The following RFFL variants were observed in gnomAD, a reference collection of about 807,000 sequenced individuals.
The protein encoded by RFFL is E3 ubiquitin-protein ligase rififylin.
In RFFL, 16 loss-of-function variants were observed where a neutral mutation model predicts 40.4. The ratio of observed to expected loss-of-function variants is 0.40; its 90% confidence interval spans 0.27 to 0.60. The LOEUF is 0.60. Ranked by LOEUF, RFFL falls within the 20% of genes least tolerant of loss-of-function variation. The pLI, the probability that RFFL is intolerant of heterozygous loss-of-function variation, is 0.47. For synonymous variants in RFFL, 154 were observed against 167.9 expected (o/e 0.92, Z 0.64); for missense variants, 367 against 451.7 (o/e 0.81, Z 1.70).
rs768940709 is a variant in RFFL, at chr17:35,008,208, C to T, written c.*3760G>A. ...AGATCAGTGTAAATATCTGAACTCACTTGGTGCTTCAACCCAATTGGTCTT... is the reference window on the plus strand; with the variant it reads ...AGATCAGTGTAAATATCTGAACTCATTTGGTGCTTCAACCCAATTGGTCTT... On this transcript the variant is annotated 3_prime_UTR_variant, in exon 7 of 7. Transcript: ENST00000394597. 2 of 152,250 alleles carry T rather than the reference C, an allele frequency of 1.3e-5. No homozygotes were observed. The highest frequency in any genetic ancestry group is 2.9e-5 in the Non-Finnish European group (2 of 68,052). The allele number at this position is 152,250 out of a possible 1,614,324, so 9.4% of individuals were successfully genotyped here. A position where few individuals can be genotyped will look rare whatever the true frequency, so the allele number is the denominator to read the frequency against.
upstream of RFFL, among the ~76,000 whole-genome samples, chr17:35,068,279 A>G (rs531367175): frequency 6.6e-6 from 1 of 152,356 alleles, no homozygotes; most frequent in African/African-American, 2.4e-5. Context: ...CCAAATGTCA[A>G]CTTATCGCCA....
At chr17:35,030,635 A>T (rs2091076923) in intron 1 of RFFL, among the ~76,000 whole-genome samples, 1 of 151,340 alleles carries the variant, frequency 6.6e-6, no homozygotes, top group Non-Finnish European at 1.5e-5. Flanking sequence ...GGGTTTTGTC[A>T]TATTGCCCAG....
At chr17:35,062,905 A>G (rs2091301582) in intron 1 of RFFL, among the ~76,000 whole-genome samples, 1 of 152,200 alleles carries the variant, frequency 6.6e-6, no homozygotes. Flanking sequence ...AGAAAGGAAT[A>G]TGGGAACAAA....
chr17:35,077,585 C>T (rs2091383433), intron 1 of RFFL, among the ~76,000 whole-genome samples: 1 of 152,196 alleles, frequency 6.6e-6, no homozygotes, highest in Non-Finnish European at 1.5e-5. Flanking sequence ...AAACTTTTCA[C>T]ACTATGAAGT....
At chr17:35,086,482 T>TAAAAA (rs11298971) in intron 1 of RFFL, among the ~76,000 whole-genome samples, 2 of 144,006 alleles carry the variant, frequency 1.4e-5, no homozygotes, top group African/African-American at 2.6e-5. Context: ...CCATCTCAAT[T>TAAAAA]AAAAAAAAAA....
At chr17:35,048,768 G>A (rs1404038948) in intron 1 of RFFL, among the ~76,000 whole-genome samples, 1 of 152,172 alleles carries the variant, frequency 6.6e-6, no homozygotes, top group Non-Finnish European at 1.5e-5. Flanking sequence ...GTAATTGCTT[G>A]CACTGCACTG....
At chr17:35,012,523 C>T (rs2090947596) in intron 6 of RFFL, among the ~76,000 whole-genome samples, 1 of 152,104 alleles carries the variant, frequency 6.6e-6, no homozygotes, top group African/African-American at 2.4e-5. Context: ...ACTCATTATC[C>T]CCTGAGGCAG....
intron 3 of RFFL, among the ~76,000 whole-genome samples, chr17:35,017,904 C>T (rs1176592387): frequency 6.6e-6 from 1 of 152,180 alleles, no homozygotes; most frequent in African/African-American, 2.4e-5. Context: ...AGCTTGAGCA[C>T]CACAGGTGAA....
chr17:35,042,207 A>T (rs1363206777), intron 1 of RFFL: 1 of 152,200 alleles, frequency 6.6e-6, no homozygotes, highest in Non-Finnish European at 1.5e-5. Context: ...CAATGTCCTG[A>T]GAACTCACCT....
At chr17:35,028,201 T>A (rs2091056309) in intron 1 of RFFL, among the ~76,000 whole-genome samples, 1 of 151,784 alleles carries the variant, frequency 6.6e-6, no homozygotes, top group South Asian at 2.1e-4. Context: ...CCAGGTGTGG[T>A]GGCACACACC....
chr17:35,071,420 C>G (rs984536368), intron 1 of RFFL, among the ~76,000 whole-genome samples: 1 of 152,000 alleles, frequency 6.6e-6, no homozygotes, highest in Non-Finnish European at 1.5e-5. Flanking sequence ...GAGTTCAAGA[C>G]CAGCCTGGCC....
intron 1 of RFFL, among the ~76,000 whole-genome samples, chr17:35,083,112 C>T (rs2091410515): frequency 6.6e-6 from 1 of 152,184 alleles, no homozygotes; most frequent in South Asian, 2.1e-4. Flanking sequence ...GGCAAACTGA[C>T]TTTATTCTAA....
chr17:35,035,606 C>G (rs1256962960), intron 1 of RFFL, among the ~76,000 whole-genome samples: 1 of 151,084 alleles, frequency 6.6e-6, no homozygotes, highest in Admixed American at 6.6e-5. Flanking sequence ...AGTCAGCCGA[C>G]TAGGCTTTTA....
At chr17:35,056,726 T>C (rs552556355) in intron 1 of RFFL, among the ~76,000 whole-genome samples, 9 of 152,186 alleles carry the variant, frequency 5.9e-5, no homozygotes, top group Admixed American at 5.9e-4. Flanking sequence ...CTATGTCCAC[T>C]GCCATATCCT....
rs1018565669 is a variant in RFFL at position 35,070,965 on chromosome 17, G to A, written c.-9+18140C>T. Among the ~76,000 whole-genome samples the A allele has an allele frequency of 4.6e-5, 7 of 152,142 alleles. No homozygotes were observed. The East Asian group carries it at 7.7e-4, about 17-fold the overall frequency. ...TATTTGCAGCACTTTGGGAGGCCAC[G>A]GCAGGTAAATTGCTTGAGGCCAGGA... On this transcript the variant is annotated intron_variant, in intron 1 of 6. Transcript: ENST00000315249.
At chr17:35,052,727 A>T (rs1449458506) in intron 1 of RFFL, among the ~76,000 whole-genome samples, 1 of 152,216 alleles carries the variant, frequency 6.6e-6, no homozygotes, top group Non-Finnish European at 1.5e-5. Flanking sequence ...TGAACTAGAT[A>T]CTAGGAGAAA....
At chr17:35,045,630 C>T (rs915635131) in intron 1 of RFFL, among the ~76,000 whole-genome samples, 24 of 152,082 alleles carry the variant, frequency 1.6e-4, no homozygotes, top group Non-Finnish European at 2.6e-4. Flanking sequence ...TTATTCTCAG[C>T]CTTAATGCCA....
intron 1 of RFFL, among the ~76,000 whole-genome samples, chr17:35,043,397 G>A (rs1276096929): frequency 6.6e-6 from 1 of 152,156 alleles, no homozygotes; most frequent in Non-Finnish European, 1.5e-5. Context: ...AAGAGCAGAG[G>A]GCAGTGTTAG....
intron 1 of RFFL, among the ~76,000 whole-genome samples, chr17:35,085,460 G>T (rs192021545): frequency 6.6e-6 from 1 of 152,144 alleles, no homozygotes; most frequent in African/African-American, 2.4e-5. Flanking sequence ...ATGGAGTTTC[G>T]CTCTTGTTGC....
Sources: gnomAD v4.1 joint callset for allele counts (sites outside exome capture counted in the v4.1 genomes callset) on GRCh38, gnomAD v4.1.1 for gene constraint, MANE v1.5 for transcripts, NCBI Gene and HGNC (gene_info 2026-07-23, HGNC 2026-07-21) for gene names.